Variants in SLC38A12 observed in about 807,000 individuals in gnomAD.
The protein encoded by SLC38A12 is putative sodium-coupled neutral amino acid transporter 12.
At chr17:74,803,210 CT>C in the SLC38A12 span, among the ~76,000 whole-genome samples, 1 of 152,158 alleles carries the variant, frequency 6.6e-6, no homozygotes, top group Non-Finnish European at 1.5e-5. Context: ...TGTAAAAGAA[CT>C]TCAGGAGCCC....
chr17:74,797,942 C>T, the SLC38A12 span, among the ~76,000 whole-genome samples: 9 of 152,210 alleles, frequency 5.9e-5, no homozygotes, highest in South Asian at 2.1e-4. Context: ...TGTCCTTCCC[C>T]GCTGCCCCCT....
At chr17:74,803,332 A>C in the SLC38A12 span, among the ~76,000 whole-genome samples, 2 of 152,088 alleles carry the variant, frequency 1.3e-5, no homozygotes, top group African/African-American at 4.8e-5. Flanking sequence ...GGTGGACATC[A>C]TAGGCAGCCC....
the SLC38A12 span, among the ~76,000 whole-genome samples, chr17:74,824,678 C>T: frequency 1.3e-5 from 2 of 152,208 alleles, no homozygotes; most frequent in African/African-American, 4.8e-5. Context: ...GCAGGGTTCC[C>T]TTCCCTCTGA....
At chr17:74,803,724 C>T in the SLC38A12 span, among the ~76,000 whole-genome samples, 2 of 152,280 alleles carry the variant, frequency 1.3e-5, no homozygotes, top group South Asian at 2.1e-4. Context: ...TCATTCCCCT[C>T]GAGAAGCTGA....
the SLC38A12 span, among the ~76,000 whole-genome samples, chr17:74,806,055 G>A: frequency 6.6e-6 from 1 of 152,238 alleles, no homozygotes; most frequent in East Asian, 1.9e-4. Flanking sequence ...TGAATGTTCT[G>A]AGCAGTTCAA....
chr17:74,791,653 C>T, the SLC38A12 span, among the ~76,000 whole-genome samples: 3 of 152,198 alleles, frequency 2.0e-5, no homozygotes, highest in Admixed American at 6.5e-5. Flanking sequence ...TCCCAGTGGC[C>T]GGCAGAGGGC....
chr17:74,820,855 T>C, the SLC38A12 span, among the ~76,000 whole-genome samples: 1 of 152,200 alleles, frequency 6.6e-6, no homozygotes, highest in Non-Finnish European at 1.5e-5. Context: ...CAGCGGGTCA[T>C]GGTCGCCGAG....
chr17:74,785,086 G>A, the SLC38A12 span, among the ~76,000 whole-genome samples: 10 of 152,170 alleles, frequency 6.6e-5, no homozygotes, highest in African/African-American at 2.4e-4. Context: ...AAAAGTGGGT[G>A]TTTCTTTGAG....
the SLC38A12 span, among the ~76,000 whole-genome samples, chr17:74,799,431 T>A: frequency 1.1e-3 from 163 of 152,356 alleles, no homozygotes; most frequent in African/African-American, 3.5e-3. Context: ...CCTGCTCTCC[T>A]GCCTTGAACA....
At chr17:74,832,978 A>G in the SLC38A12 span, among the ~76,000 whole-genome samples, 1 of 152,176 alleles carries the variant, frequency 6.6e-6, no homozygotes, top group Non-Finnish European at 1.5e-5. Context: ...TTATGGCTAG[A>G]AGATCATGAA....
At chr17:74,834,363 G>T in the SLC38A12 span, among the ~76,000 whole-genome samples, 2 of 152,076 alleles carry the variant, frequency 1.3e-5, no homozygotes, top group Admixed American at 6.5e-5. Flanking sequence ...TGGAGCGGGC[G>T]GTGAGAGGCA....
chr17:74,800,688 C>G, the SLC38A12 span, among the ~76,000 whole-genome samples: 1 of 152,242 alleles, frequency 6.6e-6, no homozygotes, highest in Non-Finnish European at 1.5e-5. Flanking sequence ...GCCTGCCTCC[C>G]AGGCACCACT....
the SLC38A12 span, among the ~76,000 whole-genome samples, chr17:74,820,108 G>A: frequency 1.3e-5 from 2 of 152,204 alleles, no homozygotes; most frequent in African/African-American, 4.8e-5. Context: ...TGGGGCTAGA[G>A]CCCAGGATTG....
chr17:74,791,634 G>T, the SLC38A12 span, among the ~76,000 whole-genome samples: 129 of 152,360 alleles, frequency 8.5e-4, 1 homozygote, highest in African/African-American at 2.7e-3. Flanking sequence ...CGCACGCCTG[G>T]GCGTGGCTTC....
At chr17:74,803,081 G>A in the SLC38A12 span, among the ~76,000 whole-genome samples, 2 of 152,192 alleles carry the variant, frequency 1.3e-5, no homozygotes, top group Non-Finnish European at 2.9e-5. Flanking sequence ...AATAAATTGG[G>A]AGGGTAGTTA....
chr17:74,788,957 C>T, the SLC38A12 span: 1 of 1,216,072 alleles, frequency 8.2e-7, no homozygotes, highest in Admixed American at 2.2e-5. Flanking sequence ...CTTTTCCTCT[C>T]AGTGCATGGC....
At chr17:74,836,984 C>T in the SLC38A12 span, 11 of 1,198,224 alleles carry the variant, frequency 9.2e-6, no homozygotes, top group African/African-American at 1.6e-5. This position sits in a 1 kb window ranked among gnomAD's most constrained non-coding sequence, Gnocchi z 4.2. Context: ...TCTTCCAACA[C>T]GCTTCACCCC....
At chr17:74,778,675 T>C in the SLC38A12 span, among the ~76,000 whole-genome samples, 162 of 121,974 alleles carry the variant, frequency 1.3e-3, 1 homozygote, top group Middle Eastern at 5.7e-3. Flanking sequence ...TGAGACAGAG[T>C]TCCACTCTTG....
the SLC38A12 span, among the ~76,000 whole-genome samples, chr17:74,826,186 A>C: frequency 6.6e-6 from 1 of 152,076 alleles, no homozygotes; most frequent in Non-Finnish European, 1.5e-5. Context: ...CCCAGGCGCC[A>C]CCTGCCAGGC....
Sources: gnomAD v4.1 joint callset for allele counts (sites outside exome capture counted in the v4.1 genomes callset) on GRCh38, gnomAD v4.1.1 for gene constraint, Gnocchi (gnomAD v3.1) non-coding constraint, MANE v1.5 for transcripts, NCBI Gene and HGNC (gene_info 2026-07-23, HGNC 2026-07-21) for gene names.